CTNND2: variants seen among roughly 807,000 people sequenced by gnomAD.
The protein encoded by CTNND2 is catenin delta 2.
CTNND2 carries 22 observed loss-of-function variants against 144.4 expected under a neutral mutation model. That is an observed-to-expected ratio of 0.15 (90% CI 0.11 to 0.22). CTNND2 has a LOEUF of 0.22. Ranked by LOEUF, CTNND2 falls within the 10% of genes least tolerant of loss-of-function variation. The probability of loss-of-function intolerance (pLI) is 1.00; values close to 1 mark genes in which losing one functional copy is unlikely to be tolerated. For missense variants in CTNND2, 1,353 were observed against 1,618.8 expected (o/e 0.84, Z 2.82); for synonymous variants, 751 against 695.6 (o/e 1.08, Z -1.25).
At chr5:11,864,914 G>A (rs1478427546) in intron 1 of CTNND2, among the ~76,000 whole-genome samples, 4 of 107,596 alleles carry the variant, frequency 3.7e-5, no homozygotes, top group African/African-American at 1.5e-4. Flanking sequence ...TTTTTTTTGC[G>A]ATGGAGTTTC....
At chr5:11,080,587 T>C (rs994307295) in intron 16 of CTNND2, among the ~76,000 whole-genome samples, 3 of 152,084 alleles carry the variant, frequency 2.0e-5, no homozygotes, top group African/African-American at 7.2e-5. Context: ...TGTCCATCAA[T>C]GGATAAATGA....
At chr5:11,342,379 T>C (rs1754366388) in intron 9 of CTNND2, among the ~76,000 whole-genome samples, 1 of 152,214 alleles carries the variant, frequency 6.6e-6, no homozygotes. Flanking sequence ...GTGAGTTTGA[T>C]AGAGCCGACT....
intron 1 of CTNND2, among the ~76,000 whole-genome samples, chr5:11,852,947 G>C (rs531416759): frequency 6.6e-6 from 1 of 152,106 alleles, no homozygotes; most frequent in African/African-American, 2.4e-5. Context: ...TTACTTGCCT[G>C]TTTCTCTGTG....
intron 9 of CTNND2, among the ~76,000 whole-genome samples, chr5:11,256,096 G>A (rs529502503): frequency 1.3e-5 from 2 of 152,208 alleles, no homozygotes; most frequent in East Asian, 1.9e-4. Flanking sequence ...TGCTCAGGCC[G>A]AACTGTCTGT....
chr5:11,669,601 C>G (rs912210820), intron 2 of CTNND2, among the ~76,000 whole-genome samples: 1 of 152,020 alleles, frequency 6.6e-6, no homozygotes, highest in Non-Finnish European at 1.5e-5. Flanking sequence ...TCTGTGGGAT[C>G]GGTGCTGATA....
chr5:11,572,845 C>A (rs1208639578), intron 2 of CTNND2, among the ~76,000 whole-genome samples: 1 of 152,144 alleles, frequency 6.6e-6, no homozygotes, highest in Non-Finnish European at 1.5e-5. Context: ...ATTTCTTCTG[C>A]AGCTAAGATT....
At chr5:11,818,687 C>T (rs140490890) in intron 1 of CTNND2, among the ~76,000 whole-genome samples, 12 of 152,168 alleles carry the variant, frequency 7.9e-5, no homozygotes, top group South Asian at 4.2e-4. Flanking sequence ...CATTCTTAAC[C>T]GATATGCCCT....
chr5:11,361,406 T>A (rs953803557), intron 8 of CTNND2, among the ~76,000 whole-genome samples: 16 of 152,218 alleles, frequency 1.1e-4, no homozygotes, highest in African/African-American at 3.4e-4. Context: ...TTCTCTCATC[T>A]AGGCCTCCCA....
chr5:11,365,799 C>T (rs1756926723), intron 7 of CTNND2, among the ~76,000 whole-genome samples: 1 of 152,156 alleles, frequency 6.6e-6, no homozygotes, highest in African/African-American at 2.4e-5. Context: ...ATCTGACGTA[C>T]AGTCAGAACC....
At chr5:11,711,310 G>A (rs866355031) in intron 2 of CTNND2, among the ~76,000 whole-genome samples, 12 of 152,230 alleles carry the variant, frequency 7.9e-5, no homozygotes, top group Middle Eastern at 3.4e-3. Flanking sequence ...ACCCGCCTTG[G>A]CCTCCCAAAG....
At chr5:11,621,775 G>A (rs1780857358) in intron 2 of CTNND2, among the ~76,000 whole-genome samples, 3 of 152,042 alleles carry the variant, frequency 2.0e-5, no homozygotes, top group Non-Finnish European at 4.4e-5. Context: ...AATTATCTTT[G>A]TTATATGTTT....
intron 2 of CTNND2, among the ~76,000 whole-genome samples, chr5:11,675,406 T>A (rs1784121565): frequency 6.6e-6 from 1 of 152,136 alleles, no homozygotes; most frequent in South Asian, 2.1e-4. Context: ...TAGGGATGAA[T>A]GCCATTTGTT....
chr5:11,228,121 C>T (rs1467110937), intron 10 of CTNND2, among the ~76,000 whole-genome samples: 1 of 151,870 alleles, frequency 6.6e-6, no homozygotes, highest in Non-Finnish European at 1.5e-5. Context: ...GCTGGTGGAT[C>T]TCCTGAGGTC....
intron 3 of CTNND2, among the ~76,000 whole-genome samples, chr5:11,523,007 T>C (rs1772891051): frequency 6.6e-6 from 1 of 152,252 alleles, no homozygotes; most frequent in Non-Finnish European, 1.5e-5. Context: ...ACAGTGGAGC[T>C]ATTTGGCATG....
At chr5:11,516,965 G>C (rs1490842798) in intron 3 of CTNND2, among the ~76,000 whole-genome samples, 1 of 152,132 alleles carries the variant, frequency 6.6e-6, no homozygotes, top group Non-Finnish European at 1.5e-5. Context: ...TGTTTATGTA[G>C]TTACTACTAT....
chr5:11,444,740 T>G (rs1042513356), intron 3 of CTNND2, among the ~76,000 whole-genome samples: 2 of 152,124 alleles, frequency 1.3e-5, no homozygotes, highest in Non-Finnish European at 2.9e-5. Context: ...ATGGTGTCAA[T>G]GTATTTGAAG....
chr5:11,264,129 T>G (rs1745204405), intron 9 of CTNND2, among the ~76,000 whole-genome samples: 1 of 152,230 alleles, frequency 6.6e-6, no homozygotes, highest in African/African-American at 2.4e-5. Context: ...TTTCAATTAT[T>G]TGGTCTATCT....
At chr5:11,761,701 T>G (rs1789272648) in intron 1 of CTNND2, among the ~76,000 whole-genome samples, 1 of 152,052 alleles carries the variant, frequency 6.6e-6, no homozygotes. Flanking sequence ...ATGAAGCTTG[T>G]GTGAATACAG....
intron 2 of CTNND2, among the ~76,000 whole-genome samples, chr5:11,645,096 G>T (rs1388818212): frequency 1.3e-5 from 2 of 152,070 alleles, no homozygotes; most frequent in Non-Finnish European, 2.9e-5. Context: ...ATCTCAGATG[G>T]CTGGGACTAT....
Sources: gnomAD v4.1 joint callset for allele counts (sites outside exome capture counted in the v4.1 genomes callset) on GRCh38, gnomAD v4.1.1 for gene constraint, MANE v1.5 for transcripts, NCBI Gene and HGNC (gene_info 2026-07-23, HGNC 2026-07-21) for gene names.